Variants in IGBP1C observed in about 807,000 individuals in gnomAD.
The protein encoded by IGBP1C is immunoglobulin-binding protein 1 family member C.
chr17:58,683,215 A>T, the IGBP1C span, among the ~76,000 whole-genome samples: 1 of 151,446 alleles, frequency 6.6e-6, no homozygotes, highest in Non-Finnish European at 1.5e-5. Context: ...TCTACTAAAG[A>T]TACAAAAATT....
chr17:58,689,587 T>G, the IGBP1C span, among the ~76,000 whole-genome samples: 1 of 152,190 alleles, frequency 6.6e-6, no homozygotes. Context: ...ACTACACAGA[T>G]GTAATGTCTG....
At chr17:58,670,873 A>G in the IGBP1C span, among the ~76,000 whole-genome samples, 1 of 152,024 alleles carries the variant, frequency 6.6e-6, no homozygotes, top group Non-Finnish European at 1.5e-5. Context: ...ATAAAATGAT[A>G]GAAGTACATA....
the IGBP1C span, among the ~76,000 whole-genome samples, chr17:58,668,850 A>G: frequency 6.6e-6 from 1 of 152,136 alleles, no homozygotes; most frequent in Non-Finnish European, 1.5e-5. Flanking sequence ...GGCCCTGAGG[A>G]CTGGGGGGTC....
chr17:58,685,996 C>CAAAAAAAAAAAAAAAAAAAAACAAAA, the IGBP1C span, among the ~76,000 whole-genome samples: 1 of 82,656 alleles, frequency 1.2e-5, no homozygotes, highest in African/African-American at 4.8e-5. Flanking sequence ...CTCTGTCTCA[C>CAAAAAAAAAAAAAAAAAAAAACAAAA]AAAAAAAAAA....
the IGBP1C span, among the ~76,000 whole-genome samples, chr17:58,669,721 G>C: frequency 8.6e-6 from 1 of 115,856 alleles, no homozygotes; most frequent in African/African-American, 3.5e-5. Context: ...GCAACAGAGA[G>C]AGACTCCGTC....
At chr17:58,679,067 T>C in the IGBP1C span, among the ~76,000 whole-genome samples, 1 of 151,796 alleles carries the variant, frequency 6.6e-6, no homozygotes, top group Non-Finnish European at 1.5e-5. Flanking sequence ...GGCAGGAGAA[T>C]CCCTTGAACC....
chr17:58,661,905 T>C, the IGBP1C span: 15 of 244,204 alleles, frequency 6.1e-5, no homozygotes, highest in Non-Finnish European at 1.0e-4. Context: ...AGAGAATGCA[T>C]GTAAAAATGC....
the IGBP1C span, among the ~76,000 whole-genome samples, chr17:58,687,001 G>A: frequency 6.7e-6 from 1 of 150,006 alleles, no homozygotes; most frequent in Non-Finnish European, 1.5e-5. Flanking sequence ...AGTCTCCCGA[G>A]TAGCTGGGAT....
the IGBP1C span, among the ~76,000 whole-genome samples, chr17:58,690,004 C>T: frequency 7.9e-5 from 12 of 151,814 alleles, no homozygotes; most frequent in Middle Eastern, 3.4e-3. Flanking sequence ...CGCCCACCAC[C>T]GCACCCAGCT....
At chr17:58,662,222 G>A in the IGBP1C span, among the ~76,000 whole-genome samples, 59 of 151,598 alleles carry the variant, frequency 3.9e-4, 2 homozygotes, top group Middle Eastern at 0.017. Context: ...AGGCCGAGGT[G>A]GGCGGACTAG....
the IGBP1C span, among the ~76,000 whole-genome samples, chr17:58,663,321 C>G: frequency 2.0e-5 from 3 of 149,654 alleles, no homozygotes; most frequent in Admixed American, 2.0e-4. Flanking sequence ...ACTTGGGAGG[C>G]TGAGGCAGGA....
chr17:58,661,253 G>GTTAA, the IGBP1C span: 1 of 797,252 alleles, frequency 1.3e-6, no homozygotes, highest in Non-Finnish European at 2.3e-6. Context: ...ATGGCACTGA[G>GTTAA]TTAAGTATTT....
the IGBP1C span, among the ~76,000 whole-genome samples, chr17:58,674,854 A>G: frequency 6.6e-6 from 1 of 151,128 alleles, no homozygotes; most frequent in African/African-American, 2.4e-5. Flanking sequence ...AAAAAAAAAA[A>G]GGCAGGTAGG....
At chr17:58,688,103 A>G in the IGBP1C span, among the ~76,000 whole-genome samples, 1 of 152,132 alleles carries the variant, frequency 6.6e-6, no homozygotes, top group African/African-American at 2.4e-5. Flanking sequence ...CGGCACTTTT[A>G]CAATTATAGA....
the IGBP1C span, among the ~76,000 whole-genome samples, chr17:58,667,891 T>TAAA: frequency 1.9e-5 from 2 of 102,802 alleles, no homozygotes; most frequent in Non-Finnish European, 2.1e-5. Flanking sequence ...AGACTCTGGC[T>TAAA]AAAAAAAAAA....
the IGBP1C span, among the ~76,000 whole-genome samples, chr17:58,663,538 C>A: frequency 1.2e-4 from 18 of 151,012 alleles, no homozygotes; most frequent in African/African-American, 4.4e-4. Context: ...ATGATCTTGG[C>A]TCACGGCAAC....
chr17:58,680,895 A>G, the IGBP1C span, among the ~76,000 whole-genome samples: 1 of 152,208 alleles, frequency 6.6e-6, no homozygotes, highest in East Asian at 1.9e-4. Flanking sequence ...TTCTGCCAAA[A>G]TAAATTAGCC....
the IGBP1C span, among the ~76,000 whole-genome samples, chr17:58,685,996 CAAAAAA>C: frequency 1.2e-5 from 1 of 82,656 alleles, no homozygotes; most frequent in Admixed American, 1.7e-4. Flanking sequence ...CTCTGTCTCA[CAAAAAA>C]AAAAAAAAAA....
the IGBP1C span, among the ~76,000 whole-genome samples, chr17:58,685,429 C>T: frequency 7.0e-6 from 1 of 143,642 alleles, no homozygotes; most frequent in Admixed American, 7.0e-5. Context: ...GAGTAAGACT[C>T]GGTGTCAAAA....
Sources: allele counts gnomAD v4.1 joint callset (sites outside exome capture counted in the v4.1 genomes callset), GRCh38; gene constraint gnomAD v4.1.1; transcripts MANE v1.5; gene names NCBI Gene and HGNC (gene_info 2026-07-23, HGNC 2026-07-21).